LIMD1: variants seen among roughly 807,000 people sequenced by gnomAD.
The protein encoded by LIMD1 is LIM domain-containing protein 1.
Under a neutral mutation model 58.4 loss-of-function variants are expected in LIMD1, and 23 were observed. That is an observed-to-expected ratio of 0.39 (90% CI 0.28 to 0.56). The LOEUF (loss-of-function observed/expected upper bound fraction) is 0.56. LIMD1 is among the 20% of genes least tolerant of loss of function. The pLI is 0.57. For synonymous variants in LIMD1, 334 were observed against 345.5 expected (o/e 0.97, Z 0.37); for missense variants, 838 against 855.5 (o/e 0.98, Z 0.25).
At chr3:45,664,302 G>T (rs142262565) in intron 2 of LIMD1, among the ~76,000 whole-genome samples, 1 of 152,142 alleles carries the variant, frequency 6.6e-6, no homozygotes, top group South Asian at 2.1e-4. Context: ...AACTGTGCCC[G>T]GCCAGATACT....
At chr3:45,621,432 G>A (rs901501577) in intron 1 of LIMD1, among the ~76,000 whole-genome samples, 1 of 151,968 alleles carries the variant, frequency 6.6e-6, no homozygotes, top group Non-Finnish European at 1.5e-5. Context: ...TAGAGACAGG[G>A]GTCTTACTCT....
intron 2 of LIMD1, among the ~76,000 whole-genome samples, chr3:45,663,287 A>C (rs1697467970): frequency 6.6e-6 from 1 of 152,170 alleles, no homozygotes; most frequent in African/African-American, 2.4e-5. Flanking sequence ...GTCTGTCCTC[A>C]TGCATGTTTG....
intron 2 of LIMD1, among the ~76,000 whole-genome samples, chr3:45,648,718 C>T (rs1393026797): frequency 6.6e-6 from 1 of 152,206 alleles, no homozygotes; most frequent in Non-Finnish European, 1.5e-5. Context: ...AGTATTTCCA[C>T]ATCCTTGCCA....
At chr3:45,663,296 T>TG (rs1006178525) in intron 2 of LIMD1, among the ~76,000 whole-genome samples, 3 of 152,344 alleles carry the variant, frequency 2.0e-5, no homozygotes, top group East Asian at 1.9e-4. Context: ...CATGCATGTT[T>TG]GGGTAATCTT....
chr3:45,671,650 C>T (rs1278202138), intron 4 of LIMD1, among the ~76,000 whole-genome samples: 1 of 152,212 alleles, frequency 6.6e-6, no homozygotes, highest in Non-Finnish European at 1.5e-5. Flanking sequence ...GATCCTCCAA[C>T]TTTAATATAT....
chr3:45,680,686 A>G lies in LIMD1; in HGVS notation c.*3627A>G, dbSNP rs1481226854. 2 of 152,140 alleles carry G rather than the reference A, an allele frequency of 1.3e-5. No homozygotes were observed. Among genetic ancestry groups the G allele is most frequent in the African/African-American group, 4.8e-5 (2 of 41,436 alleles). The allele number at this position is 152,140 out of a possible 1,614,324, so 9.4% of individuals were successfully genotyped here. The stretch of plus-strand genomic sequence containing the variant: ...TTCTTTACTATGTGAAGTAACTTTT[A>G]AAGGTAATAGAAAAGGCCAGGCACA... On this transcript the variant is annotated 3_prime_UTR_variant, in exon 8 of 8. Transcript: ENST00000273317.
At chr3:45,631,898 G>A (rs936276721) in intron 1 of LIMD1, among the ~76,000 whole-genome samples, 1 of 152,146 alleles carries the variant, frequency 6.6e-6, no homozygotes, top group Admixed American at 6.5e-5. Context: ...GCACTGACAC[G>A]TGCAATTCAT....
chr3:45,608,530 GC>G (rs1287660887), intron 1 of LIMD1, among the ~76,000 whole-genome samples: 1 of 152,112 alleles, frequency 6.6e-6, no homozygotes, highest in Non-Finnish European at 1.5e-5. Flanking sequence ...AGCAAGAGAG[GC>G]CCTGTCTCTA....
intron 1 of LIMD1, among the ~76,000 whole-genome samples, chr3:45,604,275 G>A (rs1479647538): frequency 6.6e-6 from 1 of 152,106 alleles, no homozygotes; most frequent in African/African-American, 2.4e-5. Context: ...AGTGGTCAAG[G>A]ACTGGATACC....
intron 1 of LIMD1, among the ~76,000 whole-genome samples, chr3:45,596,885 G>A (rs1249016591): frequency 7.1e-6 from 1 of 139,864 alleles, no homozygotes; most frequent in Non-Finnish European, 1.5e-5. Flanking sequence ...TTTTTGAGAT[G>A]GAGTCTCGTT....
At chr3:45,641,271 C>G (rs958117283) in intron 2 of LIMD1, among the ~76,000 whole-genome samples, 2 of 152,206 alleles carry the variant, frequency 1.3e-5, no homozygotes, top group African/African-American at 4.8e-5. Flanking sequence ...CTCACCTGTA[C>G]TTCCTTGTTT....
chr3:45,599,164 T>A (rs1559512095), intron 1 of LIMD1, among the ~76,000 whole-genome samples: 2 of 152,118 alleles, frequency 1.3e-5, no homozygotes, highest in Non-Finnish European at 2.9e-5. Flanking sequence ...TTAATTGAGA[T>A]GAAATTCACA....
At position 45,665,827 on chromosome 3, in the gene LIMD1, G is replaced by A. The variant is rs138793590; in HGVS notation, c.1578+110G>A. The A allele has an allele frequency of 3.8e-3, 3,451 of 897,980 alleles. 81 individuals carry two copies. In the East Asian group the frequency reaches 0.039, roughly 10 times the overall value. 55.6% of individuals were successfully genotyped at this position (897,980 alleles called of 1,614,324 possible). On this transcript the variant is annotated intron_variant, in intron 3 of 7. Coordinates refer to ENST00000273317, the MANE Select transcript of LIMD1 (RefSeq NM_014240.3). Reference sequence around the variant, plus strand: ...GGGAAGCTGCACTGCTGGAGAGAGGGGCCCTGCCTTTCCTTCTGTAGATAC... The same window carrying A: ...GGGAAGCTGCACTGCTGGAGAGAGGAGCCCTGCCTTTCCTTCTGTAGATAC...
At chr3:45,615,537 C>A (rs1211593450) in intron 1 of LIMD1, among the ~76,000 whole-genome samples, 1 of 152,006 alleles carries the variant, frequency 6.6e-6, no homozygotes, top group Admixed American at 6.6e-5. Flanking sequence ...GTGGGGATAT[C>A]TTGAGCCTGG....
chr3:45,641,324 A>G (rs1484831734), intron 2 of LIMD1, among the ~76,000 whole-genome samples: 5 of 152,152 alleles, frequency 3.3e-5, no homozygotes. Flanking sequence ...CTAGTCAAGC[A>G]AAAATAAGTG....
At chr3:45,600,303 C>T (rs1701398548) in intron 1 of LIMD1, among the ~76,000 whole-genome samples, 1 of 152,076 alleles carries the variant, frequency 6.6e-6, no homozygotes, top group Non-Finnish European at 1.5e-5. Flanking sequence ...TGAAGGTGTC[C>T]CTTTGGGCAT....
chr3:45,660,866 C>T (rs1375661843), intron 2 of LIMD1, among the ~76,000 whole-genome samples: 3 of 152,166 alleles, frequency 2.0e-5, no homozygotes, highest in Non-Finnish European at 4.4e-5. Flanking sequence ...ACTTCGAGTT[C>T]TCTGGAGTCC....
At chr3:45,645,011 G>A (rs945186293) in intron 2 of LIMD1, among the ~76,000 whole-genome samples, 3 of 152,218 alleles carry the variant, frequency 2.0e-5, no homozygotes, top group Non-Finnish European at 4.4e-5. Flanking sequence ...CAGCAGTTCT[G>A]TATGAGCTGA....
intron 1 of LIMD1, among the ~76,000 whole-genome samples, chr3:45,611,248 G>A (rs956999504): frequency 1.3e-5 from 2 of 152,210 alleles, no homozygotes; most frequent in African/African-American, 4.8e-5. Flanking sequence ...TTTCATGATT[G>A]CCAACCACCA....
Sources: allele counts gnomAD v4.1 joint callset (sites outside exome capture counted in the v4.1 genomes callset), GRCh38; gene constraint gnomAD v4.1.1; transcripts MANE v1.5; gene names NCBI Gene and HGNC (gene_info 2026-07-23, HGNC 2026-07-21).